MED13L: variants seen among roughly 807,000 people sequenced by gnomAD.
The protein encoded by MED13L is mediator of RNA polymerase II transcription subunit 13-like.
Under a neutral mutation model 220.9 loss-of-function variants are expected in MED13L, and 7 were observed. That is an observed-to-expected ratio of 0.03 (90% CI 0.02 to 0.06). MED13L has a LOEUF of 0.06. Ranked by LOEUF, MED13L falls within the 10% of genes least tolerant of loss-of-function variation. The pLI is 1.00. For missense variants in MED13L, 1,965 were observed against 2,760.5 expected (o/e 0.71, Z 6.46); for synonymous variants, 1,011 against 1,015.2 (o/e 1.00, Z 0.08).
intron 1 of MED13L, among the ~76,000 whole-genome samples, chr12:116,271,961 T>C (rs34510463): frequency 7.9e-5 from 12 of 152,148 alleles, no homozygotes; most frequent in Admixed American, 7.9e-4. Flanking sequence ...GGGAACATTG[T>C]TATTATTGTT....
At chr12:116,094,436 T>C (rs1041957158) in intron 4 of MED13L, among the ~76,000 whole-genome samples, 3 of 152,192 alleles carry the variant, frequency 2.0e-5, no homozygotes, top group Admixed American at 1.3e-4. Flanking sequence ...AATTCCCAAA[T>C]ACATTACATG....
chr12:115,975,873 T>C lies in MED13L; in HGVS notation c.5365-135A>G, dbSNP rs184714402. On this transcript the variant is annotated intron_variant, in intron 23 of 30. Transcript: ENST00000281928. ...GTTTCTCTCTCTCTCTCTCCAGTACTAGAGACACATAAATAGTACTGAGGA... is the reference window on the plus strand; with the variant it reads ...GTTTCTCTCTCTCTCTCTCCAGTACCAGAGACACATAAATAGTACTGAGGA... The C allele has an allele frequency of 1.3e-3, 975 of 766,130 alleles. 12 individuals are homozygous for C. The highest frequency in any genetic ancestry group is 6.1e-4 in the Non-Finnish European group (277 of 450,568). The allele number at this position is 766,130 out of a possible 1,614,324, so 47.5% of individuals were successfully genotyped here.
intron 2 of MED13L, among the ~76,000 whole-genome samples, chr12:116,228,074 T>C (rs1459415206): frequency 6.6e-6 from 1 of 152,120 alleles, no homozygotes; most frequent in Non-Finnish European, 1.5e-5. Flanking sequence ...CCATACTCCC[T>C]TAAGTCAAAG....
chr12:116,127,516 C>A (rs886443554), intron 2 of MED13L, among the ~76,000 whole-genome samples: 1 of 152,124 alleles, frequency 6.6e-6, no homozygotes, highest in Admixed American at 6.5e-5. Context: ...AGTTACTACT[C>A]TAACTAAAAT....
rs1260629082 is a variant in MED13L, at chr12:116,141,536, C to T, written c.311-30024G>A. Among the ~76,000 whole-genome samples, 7 of 152,266 alleles carry T rather than the reference C, an allele frequency of 4.6e-5. No individual in the cohort carries two copies. The South Asian group carries it at 1.5e-3, about 32-fold the overall frequency. On this transcript the variant is annotated intron_variant, in intron 2 of 30. Coordinates refer to ENST00000281928, the MANE Select transcript of MED13L (RefSeq NM_015335.5). ...GCAGTGCCAAAGTGTTGGCAGTTTT[C>T]TATAAATGTATTGAAATTTTTGCTT...
intron 16 of MED13L, among the ~76,000 whole-genome samples, chr12:115,995,144 A>G (rs975149623): frequency 1.3e-5 from 2 of 152,264 alleles, no homozygotes; most frequent in Middle Eastern, 3.4e-3. Flanking sequence ...TTACGACATT[A>G]AAATTAACTT....
In MED13L at chr12:116,214,434, T is replaced by TA. The variant is rs527377015; in HGVS notation, c.310+23033dup. Among the ~76,000 whole-genome samples the TA allele has an allele frequency of 4.7e-4, 72 of 151,764 alleles. 1 individual carries two copies. The South Asian group carries it at 0.013, about 28-fold the overall frequency. The stretch of plus-strand genomic sequence containing the variant: ...CTCTCTTCACTTAGACAAAAAGGTT[T>TA]AAAAAAAAGCTTCAGAAGACCTATT... On this transcript the variant is annotated intron_variant, in intron 2 of 30. Coordinates refer to ENST00000281928, the MANE Select transcript of MED13L (RefSeq NM_015335.5).
At chr12:116,015,791 T>C (rs1879690077) in intron 7 of MED13L, among the ~76,000 whole-genome samples, 1 of 152,224 alleles carries the variant, frequency 6.6e-6, no homozygotes, top group African/African-American at 2.4e-5. Context: ...ACAAAGCTTT[T>C]AACAAGGTCA....
At chr12:116,031,461 G>A (rs909721518) in intron 4 of MED13L, among the ~76,000 whole-genome samples, 17 of 150,958 alleles carry the variant, frequency 1.1e-4, no homozygotes, top group South Asian at 2.1e-4. Flanking sequence ...GCATGGTGGC[G>A]GGCGCCTGTG....
intron 4 of MED13L, among the ~76,000 whole-genome samples, chr12:116,084,300 A>ATT (rs1565869138): frequency 2.6e-5 from 4 of 152,234 alleles, no homozygotes; most frequent in Non-Finnish European, 5.9e-5. Flanking sequence ...GGAATAATGC[A>ATT]CGACAGTACA....
At position 116,015,282 on chromosome 12, in the gene MED13L, A is replaced by G. The variant is rs1320330344; in HGVS notation, c.1010-8T>C. 26 of 1,613,754 alleles carry G rather than the reference A, an allele frequency of 1.6e-5. No individual in the cohort carries two copies. The highest frequency in any genetic ancestry group is 2.0e-5 in the Non-Finnish European group (24 of 1,179,716). On this transcript the variant is annotated splice_polypyrimidine_tract_variant and splice_region_variant and intron_variant, in intron 7 of 30. Coordinates refer to ENST00000281928, the MANE Select transcript of MED13L (RefSeq NM_015335.5). Reference sequence around the variant, plus strand: ...GCATACCTCCACTCTCACCTGAAAAAAAAGGCAATTTGGAATGTTAGGATT... The same window carrying G: ...GCATACCTCCACTCTCACCTGAAAAGAAAGGCAATTTGGAATGTTAGGATT...
intron 2 of MED13L, among the ~76,000 whole-genome samples, chr12:116,167,134 G>GAT (rs1452103332): frequency 6.6e-6 from 1 of 152,062 alleles, no homozygotes; most frequent in Non-Finnish European, 1.5e-5. Flanking sequence ...AAGATAAAGA[G>GAT]ATAGACAAAT....
chr12:116,005,808 C>A, intron 13 of MED13L, 61 bp downstream of exon 13: 2 of 1,595,592 alleles, frequency 1.3e-6, no homozygotes, highest in South Asian at 2.2e-5. Flanking sequence ...AATACTACAA[C>A]ACTGATATAA....
chr12:115,996,635 C>G lies in MED13L; in HGVS notation c.2837G>C (p.Gly946Ala). The change falls in exon 16 of 31, where the codon GGA becomes GCA. Residue 946 changes from glycine (G) to alanine (A), a missense_variant. Transcript: ENST00000281928. ...HKVPSFQPFV[G>A]SSMFAPLKML... ...CTTCAGTGGAGCAAACATGGAGGAT[C>G]CCACAAAAGGTTGAAAGGATGGAAC... is the stretch of plus-strand genomic sequence containing the variant. 6.2e-7 allele frequency: 1 copy of G among 1,614,052 alleles called. No homozygotes were observed. The highest frequency in any genetic ancestry group is 8.5e-7 in the Non-Finnish European group (1 of 1,179,984).
chr12:115,989,203 C>G (rs989261005), intron 17 of MED13L, among the ~76,000 whole-genome samples: 6 of 152,324 alleles, frequency 3.9e-5, no homozygotes, highest in Admixed American at 6.5e-5. Context: ...CGGGTTCGCA[C>G]ATCATTCACA....
chr12:115,991,078 T>C lies in MED13L; in HGVS notation c.3876A>G (p.Gly1292=). The C allele has an allele frequency of 1.2e-6, 2 of 1,614,216 alleles. No homozygotes were observed. Among genetic ancestry groups the C allele is most frequent in the Non-Finnish European group, 1.7e-6 (2 of 1,180,014 alleles). Residue 1292 remains glycine, a synonymous_variant, in exon 17 of 31, where the codon GGA becomes GGG. Transcript: ENST00000281928. This position sits in a 1 kb window ranked among gnomAD's most constrained non-coding sequence, Gnocchi z 7.7. ...GRQYVDNPTG[G]KVDEALVRSA... The stretch of plus-strand genomic sequence containing the variant: ...TTCTCACCAGAGCTTCGTCCACTTT[T>C]CCACCAGTGGGGTTATCCACATACT...
At chr12:116,246,855 T>TGGG (rs1279111384) in intron 1 of MED13L, among the ~76,000 whole-genome samples, 1 of 17,198 alleles carries the variant, frequency 5.8e-5, no homozygotes, top group Non-Finnish European at 1.0e-4. Context: ...AGGAGGGAGG[T>TGGG]GGGGAGGTGG....
At chr12:116,117,552 T>G (rs1027074019) in intron 2 of MED13L, among the ~76,000 whole-genome samples, 1 of 152,092 alleles carries the variant, frequency 6.6e-6, no homozygotes, top group Non-Finnish European at 1.5e-5. Flanking sequence ...CTCTTTATTT[T>G]CTTAGTATTG....
intron 8 of MED13L, among the ~76,000 whole-genome samples, chr12:116,014,277 A>G (rs1489369983): frequency 6.6e-6 from 1 of 152,192 alleles, no homozygotes; most frequent in Non-Finnish European, 1.5e-5. Context: ...CTTCTAAATG[A>G]GGGAAGTTAT....
Sources: allele counts gnomAD v4.1 joint callset (sites outside exome capture counted in the v4.1 genomes callset), GRCh38; gene constraint gnomAD v4.1.1; non-coding constraint Gnocchi (gnomAD v3.1); transcripts MANE v1.5; gene names NCBI Gene and HGNC (gene_info 2026-07-23, HGNC 2026-07-21).